Variants in ST3GAL2 observed in about 807,000 individuals in gnomAD.
ST3GAL2 encodes CMP-N-acetylneuraminate-beta-galactosamide-alpha-2,3-sialyltransferase 2.
A neutral mutation model predicts 37.5 loss-of-function variants in ST3GAL2; 16 were observed. The ratio of observed to expected loss-of-function variants is 0.43; its 90% confidence interval spans 0.29 to 0.65. The LOEUF (loss-of-function observed/expected upper bound fraction) is 0.65. Among genes scored for constraint, ST3GAL2 ranks in the 30% least tolerant of loss-of-function variants. The pLI is 0.17. For synonymous variants in ST3GAL2, 238 were observed against 202.9 expected, an observed-to-expected ratio of 1.17 and a Z score of -1.47; for missense variants, 383 against 487.8, an observed-to-expected ratio of 0.79 and a Z score of 2.02.
chr16:70,381,447 G>A lies in ST3GAL2; in HGVS notation c.*242C>T, dbSNP rs1346465760. On this transcript the variant is annotated 3_prime_UTR_variant, in exon 7 of 7. Coordinates refer to ENST00000342907, the MANE Select transcript of ST3GAL2 (RefSeq NM_006927.4). ...CCCCCGAAGGCCATTGATTGGAGGA[G>A]ACTGGACACAGCGCCGGAAGTTTTC... 1.6e-5 allele frequency: 9 copies of A among 556,246 alleles called. No homozygotes were observed. The highest frequency in any genetic ancestry group is 2.1e-5 in the South Asian group (1 of 46,996). The allele number at this position is 556,246 out of a possible 1,614,324, so 34.5% of individuals were successfully genotyped here.
intron 1 of ST3GAL2, among the ~76,000 whole-genome samples, chr16:70,411,066 A>C (rs1295743628): frequency 1.3e-5 from 2 of 152,128 alleles, no homozygotes; most frequent in Non-Finnish European, 2.9e-5. Flanking sequence ...AGTATGTGTT[A>C]GGGCCATCTT....
chr16:70,424,015 G>A (rs959272240), intron 1 of ST3GAL2, among the ~76,000 whole-genome samples: 1 of 151,860 alleles, frequency 6.6e-6, no homozygotes, highest in African/African-American at 2.4e-5. Context: ...CCAAGATCGT[G>A]CCACTGCACT....
chr16:70,382,038 T>C (rs1046777608), intron 6 of ST3GAL2, among the ~76,000 whole-genome samples, 176 bp from the exon 7 acceptor site: 3 of 148,886 alleles, frequency 2.0e-5, no homozygotes, highest in African/African-American at 7.5e-5. Context: ...TTTGCAGCCC[T>C]TGCAAATTCC....
At chr16:70,395,283 G>GCCCT (rs2047508112) in intron 2 of ST3GAL2, 108 bp from the exon 3 acceptor site, 1 of 1,055,804 alleles carries the variant, frequency 9.5e-7, no homozygotes, top group Admixed American at 2.6e-5. Context: ...TCTGGGCACA[G>GCCCT]GCCTCTTTAT....
At chr16:70,391,540 G>A (rs2047482012) in intron 3 of ST3GAL2, among the ~76,000 whole-genome samples, 2 of 152,162 alleles carry the variant, frequency 1.3e-5, no homozygotes, top group Non-Finnish European at 2.9e-5. Flanking sequence ...GCAGGTATTG[G>A]TGTCCTATGG....
In ST3GAL2 at chr16:70,398,391, C is replaced by G. The variant is rs574593500; in HGVS notation, c.140G>C (p.Arg47Pro). ...GGCATAGCCGGGCACCAGCTTCACCCGGTGCGTCCCATCCAGGGCCCCTGA... is the reference window on the plus strand; with the variant it reads ...GGCATAGCCGGGCACCAGCTTCACCGGGTGCGTCCCATCCAGGGCCCCTGA... ...LDSGALDGTH[R>P]VKLVPGYAGL... The change falls in exon 2 of 7, where the codon CGG becomes CCG. Residue 47 changes from arginine (R) to proline (P), a missense_variant. By Grantham distance (103) the Arg-to-Pro change is moderately radical (BLOSUM62 -2). This residue lies in a region of ST3GAL2 where 223 missense variants were observed against 239.1 expected (regional missense o/e 0.93). Coordinates refer to ENST00000342907, the MANE Select transcript of ST3GAL2 (RefSeq NM_006927.4). 4 of 1,613,622 alleles carry G rather than the reference C, an allele frequency of 2.5e-6. No individual in the cohort carries two copies. Among genetic ancestry groups the G allele is most frequent in the East Asian group, 4.5e-5 (2 of 44,880 alleles).
At chr16:70,437,695 A>C (rs1306059607) in intron 1 of ST3GAL2, among the ~76,000 whole-genome samples, 1 of 152,072 alleles carries the variant, frequency 6.6e-6, no homozygotes, top group Non-Finnish European at 1.5e-5. Context: ...CCCTCCCTGA[A>C]AGGGCAACCC....
At position 70,389,986 on chromosome 16, in the gene ST3GAL2, C is replaced by G. The variant is rs2047471944; in HGVS notation, c.534-1440G>C. ...CATTTTTAGTAGAGACAGGGTTTCA[C>G]CGTGTTAGCCAGGATAGTCTGGATC... is the stretch of plus-strand genomic sequence containing the variant. On this transcript the variant is annotated intron_variant, in intron 3 of 6. Coordinates refer to ENST00000342907, the MANE Select transcript of ST3GAL2 (RefSeq NM_006927.4). Among the ~76,000 whole-genome samples the G allele has an allele frequency of 2.6e-5, 4 of 151,916 alleles. No homozygotes were observed. The South Asian group carries it at 8.3e-4, about 32-fold the overall frequency.
intron 3 of ST3GAL2, among the ~76,000 whole-genome samples, chr16:70,390,380 AT>A (rs1299444853): frequency 6.6e-6 from 1 of 152,130 alleles, no homozygotes; most frequent in African/African-American, 2.4e-5. Context: ...GCCTTTTATA[AT>A]TTTTTAAAGA....
At chr16:70,382,732 C>T in intron 6 of ST3GAL2, 73 bp downstream of exon 6, 1 of 1,596,024 alleles carries the variant, frequency 6.3e-7, no homozygotes, top group Admixed American at 1.7e-5. Context: ...CTCTGTTAGC[C>T]TGCTAAGACC....
rs779420839 is a variant in ST3GAL2 at position 70,398,417 on chromosome 16, G to A, written c.114C>T (p.Asp38=). ...GGTGCGTCCCATCCAGGGCCCCTGA[G>A]TCCAGGTAGGGGAGCGTGGCCATGC... is the stretch of plus-strand genomic sequence containing the variant. The part of the protein sequence containing the change: ...HHSMATLPYL[D]SGALDGTHRV... Residue 38 remains aspartate (D), a synonymous_variant, in exon 2 of 7, where the codon GAC becomes GAT. Transcript: ENST00000342907. The A allele has an allele frequency of 1.9e-6, 3 of 1,613,622 alleles. No homozygotes were observed. Among genetic ancestry groups the A allele is most frequent in the Non-Finnish European group, 1.7e-6 (2 of 1,180,024 alleles).
chr16:70,409,412 T>C (rs1228178622), intron 1 of ST3GAL2, among the ~76,000 whole-genome samples: 1 of 152,122 alleles, frequency 6.6e-6, no homozygotes, highest in African/African-American at 2.4e-5. Flanking sequence ...GGCGTGATCT[T>C]GGCTCACCGC....
At chr16:70,423,674 AT>A (rs60635060) in intron 1 of ST3GAL2, among the ~76,000 whole-genome samples, 571 of 127,972 alleles carry the variant, frequency 4.5e-3, no homozygotes, top group East Asian at 4.4e-3. Flanking sequence ...TGACTCAATG[AT>A]TTTTTTTTTT....
At chr16:70,406,654 C>T (rs545544762) in intron 1 of ST3GAL2, among the ~76,000 whole-genome samples, 2 of 150,702 alleles carry the variant, frequency 1.3e-5, no homozygotes, top group South Asian at 2.1e-4. Context: ...TGGTGGCATG[C>T]GCCTGTAATC....
chr16:70,434,215 G>C (rs2047809673), intron 1 of ST3GAL2, among the ~76,000 whole-genome samples: 1 of 152,134 alleles, frequency 6.6e-6, no homozygotes, highest in South Asian at 2.1e-4. Flanking sequence ...GAGGCAGGCG[G>C]ATCACGAGGT....
At position 70,398,447 on chromosome 16, in the gene ST3GAL2, G is replaced by A. The variant is rs560200633; in HGVS notation, c.84C>T (p.His28=). The part of the protein sequence containing the change: ...FIMSLLFTYS[H]HSMATLPYLD... ...GGTAGGGGAGCGTGGCCATGCTGTG[G>A]TGCGAGTAGGTGAAGAGCAGGGACA... The change falls in exon 2 of 7, where the codon CAC becomes CAT. Residue 28 remains histidine, a synonymous_variant. Transcript: ENST00000342907. 1 of 1,613,678 alleles carries A rather than the reference G, an allele frequency of 6.2e-7. No individual in the cohort carries two copies. Among genetic ancestry groups the A allele is most frequent in the Admixed American group, 1.7e-5 (1 of 60,032 alleles).
intron 6 of ST3GAL2, among the ~76,000 whole-genome samples, chr16:70,382,527 G>A (rs953572109): frequency 2.0e-5 from 3 of 151,986 alleles, no homozygotes; most frequent in African/African-American, 4.8e-5. Flanking sequence ...CAAGTAATCC[G>A]CCCGCCTCAG....
At chr16:70,423,966 G>A (rs1196165950) in intron 1 of ST3GAL2, among the ~76,000 whole-genome samples, 3 of 151,716 alleles carry the variant, frequency 2.0e-5, no homozygotes, top group Non-Finnish European at 4.4e-5. Context: ...GCTGAGGCGG[G>A]AAAATGGCAT....
chr16:70,410,502 G>A (rs1047723091), intron 1 of ST3GAL2, among the ~76,000 whole-genome samples: 7 of 150,976 alleles, frequency 4.6e-5, no homozygotes, highest in South Asian at 4.2e-4. Flanking sequence ...ATCTGCCTGC[G>A]TCGGCCTCCC....
Sources: allele counts gnomAD v4.1 joint callset (sites outside exome capture counted in the v4.1 genomes callset), GRCh38; gene constraint gnomAD v4.1.1; regional missense constraint gnomAD v4.1.1; transcripts MANE v1.5; gene names NCBI Gene and HGNC (gene_info 2026-07-23, HGNC 2026-07-21).